CABP1: variants seen among roughly 807,000 people sequenced by gnomAD.
CABP1 encodes the protein calcium binding protein 1, also known as calcium-binding protein 1.
In CABP1, 17 loss-of-function variants were observed where a neutral mutation model predicts 34.3. The observed-to-expected ratio is 0.50, with a 90% CI of 0.34 to 0.74. The LOEUF (loss-of-function observed/expected upper bound fraction) is 0.74, where lower values mean the gene tolerates loss of function less well. Among genes scored for constraint, CABP1 ranks in the 30% least tolerant of loss-of-function variants. The pLI, the probability that CABP1 is intolerant of heterozygous loss-of-function variation, is 0.01. For missense variants in CABP1, 373 were observed against 511.1 expected, an observed-to-expected ratio of 0.73 and a Z score of 2.61; for synonymous variants, 198 against 229.2, an observed-to-expected ratio of 0.86 and a Z score of 1.23.
chr12:120,664,356 A>G (rs1880835989), intron 5 of CABP1, among the ~76,000 whole-genome samples: 1 of 152,186 alleles, frequency 6.6e-6, no homozygotes, highest in African/African-American at 2.4e-5. Flanking sequence ...GTTATAAATA[A>G]TTAGAGCCCC....
intron 5 of CABP1, among the ~76,000 whole-genome samples, chr12:120,666,334 C>T (rs140845494): frequency 0.041 from 6,190 of 150,582 alleles, 180 homozygotes; most frequent in South Asian, 0.11. Context: ...ATTAGCCAAG[C>T]GTGGTAGTGC....
At chr12:120,680,749 T>G in the CABP1 span, among the ~76,000 whole-genome samples, 1 of 152,204 alleles carries the variant, frequency 6.6e-6, no homozygotes, top group South Asian at 2.1e-4. Context: ...CTTTTGGATA[T>G]AATCCTGCCC....
At chr12:120,677,413 T>TTTCC in the CABP1 span, among the ~76,000 whole-genome samples, 10 of 110,586 alleles carry the variant, frequency 9.0e-5, no homozygotes, top group South Asian at 3.3e-4. Flanking sequence ...TTTTTTTTTT[T>TTTCC]TGAGACAGAG....
chr12:120,668,220 C>T (rs1278511049), downstream of CABP1, among the ~76,000 whole-genome samples: 4 of 152,158 alleles, frequency 2.6e-5, no homozygotes, highest in South Asian at 2.1e-4. Flanking sequence ...CCACTGGCTG[C>T]GCGCCGTGGC....
rs1382298778 is a variant in CABP1, at chr12:120,647,387, T to C, written c.654+6048T>C. ...ATGGTTACTGAGCAGCAGACAAGATTTTTTTTTTTTTTTTAAATAGAGATG... is the reference window on the plus strand; with the variant it reads ...ATGGTTACTGAGCAGCAGACAAGATCTTTTTTTTTTTTTTAAATAGAGATG... On this transcript the variant is annotated intron_variant, in intron 1 of 5. Coordinates refer to ENST00000316803, the MANE Select transcript of CABP1 (RefSeq NM_001033677.2). 0.016 allele frequency among the ~76,000 whole-genome samples: 125 copies of C among 7,668 alleles called. No individual in the cohort carries two copies. In the East Asian group the frequency reaches 0.36, roughly 22 times the overall value. The allele number at this position is 7,668 out of a possible 152,430, so 5.0% of individuals were successfully genotyped here. A position where few individuals can be genotyped will look rare whatever the true frequency, so the allele number is the denominator to read the frequency against.
chr12:120,656,138 G>A (rs779589300), intron 1 of CABP1: 11 of 1,614,048 alleles, frequency 6.8e-6, no homozygotes, highest in Admixed American at 6.7e-5. Flanking sequence ...GCAGACGAGC[G>A]AGGAGGGGCT....
intron 1 of CABP1, chr12:120,659,293 GTCC>G (rs1880466676): frequency 6.5e-6 from 1 of 152,994 alleles, no homozygotes; most frequent in East Asian, 1.9e-4. Context: ...ACTCCTCCCT[GTCC>G]TCCTACCCTC....
At chr12:120,658,839 C>A (rs533387337) in intron 1 of CABP1, 1 of 152,512 alleles carries the variant, frequency 6.6e-6, no homozygotes, top group South Asian at 2.1e-4. Flanking sequence ...CTGGTGTCCT[C>A]CCTGCCCAAA....
At chr12:120,650,742 C>G in intron 1 of CABP1, 1 of 1,556,014 alleles carries the variant, frequency 6.4e-7, no homozygotes, top group East Asian at 2.2e-5. Context: ...CACCATCTGT[C>G]TCAGAGGTTG....
chr12:120,670,105 C>T (rs776666509), downstream of CABP1, among the ~76,000 whole-genome samples: 12 of 152,114 alleles, frequency 7.9e-5, no homozygotes, highest in African/African-American at 1.7e-4. Flanking sequence ...TGGGCTCAAG[C>T]GATCCTCCTG....
chr12:120,660,020 T>A lies in CABP1; in HGVS notation c.685+112T>A. ...AAATGGGGCCTGGTGCAACGCGGGG[T>A]ATCTTCTGTGAAACCAGCTGCTGAA... On this transcript the variant is annotated intron_variant, in intron 2 of 5. Coordinates refer to ENST00000316803, the MANE Select transcript of CABP1 (RefSeq NM_001033677.2). The surrounding 1 kb of genome is among the most constrained non-coding windows in gnomAD (Gnocchi z 5.0). 1 of 1,293,394 alleles carries A rather than the reference T, an allele frequency of 7.7e-7. No individual in the cohort carries two copies. Among genetic ancestry groups the A allele is most frequent in the Non-Finnish European group, 1.1e-6 (1 of 915,418 alleles). The allele number at this position is 1,293,394 out of a possible 1,614,324, so 80.1% of individuals were successfully genotyped here.
intron 1 of CABP1, chr12:120,655,969 T>G (rs1880172888): frequency 1.2e-5 from 19 of 1,549,744 alleles, no homozygotes; most frequent in Non-Finnish European, 1.7e-5. Flanking sequence ...CAGGGCTCTC[T>G]GAACCCCGCT....
Position 120,667,005 on chromosome 12 carries a change from G to A in CABP1, c.*105G>A. 1 of 1,403,848 alleles carries A rather than the reference G, an allele frequency of 7.1e-7. No homozygotes were observed. The highest frequency in any genetic ancestry group is 9.8e-7 in the Non-Finnish European group (1 of 1,025,596). 87.0% of individuals were successfully genotyped at this position (1,403,848 alleles called of 1,614,324 possible). A position where few individuals can be genotyped will look rare whatever the true frequency, so the allele number is the denominator to read the frequency against. On this transcript the variant is annotated 3_prime_UTR_variant, in exon 6 of 6. Coordinates refer to ENST00000316803, the MANE Select transcript of CABP1 (RefSeq NM_001033677.2). ...GCCGCCGAGAGCCCAGGATGTACTGGCGGATGGGGCCTGCCTGCACCCCGG... is the reference window on the plus strand; with the variant it reads ...GCCGCCGAGAGCCCAGGATGTACTGACGGATGGGGCCTGCCTGCACCCCGG...
chr12:120,660,699 G>A lies in CABP1; in HGVS notation c.830-32G>A, dbSNP rs769211148. 22 of 1,448,966 alleles carry A rather than the reference G, an allele frequency of 1.5e-5. No individual in the cohort carries two copies. The highest frequency in any genetic ancestry group is 2.0e-5 in the Non-Finnish European group (21 of 1,029,532). The allele number at this position is 1,448,966 out of a possible 1,614,324, so 89.8% of individuals were successfully genotyped here. A position where few individuals can be genotyped will look rare whatever the true frequency, so the allele number is the denominator to read the frequency against. On this transcript the variant is annotated intron_variant, in intron 3 of 5. Coordinates refer to ENST00000316803, the MANE Select transcript of CABP1 (RefSeq NM_001033677.2). The surrounding 1 kb of genome is among the most constrained non-coding windows in gnomAD (Gnocchi z 5.0). The stretch of plus-strand genomic sequence containing the variant: ...GTTGGAGACAGGGAATGGGTATGTC[G>A]GGGATGACCTAGCCCTTTCCTCCTT...
chr12:120,656,647 G>A (rs979894120), intron 1 of CABP1, among the ~76,000 whole-genome samples: 5 of 152,158 alleles, frequency 3.3e-5, no homozygotes, highest in African/African-American at 1.2e-4. Flanking sequence ...TGTAATCCCA[G>A]CACTTTGGGA....
intron 1 of CABP1, chr12:120,650,696 G>A (rs1170322853): frequency 6.2e-7 from 1 of 1,613,608 alleles, no homozygotes. Flanking sequence ...TGTTTTTGGA[G>A]TTTCCAAGAT....
In CABP1 at chr12:120,641,449, A is replaced by ACGCCTCGGCT. The variant is rs943060548; in HGVS notation, c.654+112_654+121dup. ...CGCGGCCCGTGGTCCCCCACGGATC[A>ACGCCTCGGCT]CGCCTCGGCTCACCTCGTCCTCCCC... On this transcript the variant is annotated intron_variant, in intron 1 of 5. Coordinates refer to ENST00000316803, the MANE Select transcript of CABP1 (RefSeq NM_001033677.2). This position sits in a 1 kb window ranked among gnomAD's most constrained non-coding sequence, Gnocchi z 6.7. 137 of 1,152,034 alleles carry ACGCCTCGGCT rather than the reference A, an allele frequency of 1.2e-4. No homozygotes were observed. The highest frequency in any genetic ancestry group is 5.2e-5 in the Non-Finnish European group (48 of 915,346). 71.4% of individuals were successfully genotyped at this position (1,152,034 alleles called of 1,614,324 possible). A position where few individuals can be genotyped will look rare whatever the true frequency, so the allele number is the denominator to read the frequency against.
At chr12:120,642,271 T>G (rs1879367183) in intron 1 of CABP1, among the ~76,000 whole-genome samples, 1 of 151,920 alleles carries the variant, frequency 6.6e-6, no homozygotes, top group Non-Finnish European at 1.5e-5. Flanking sequence ...GAGGTCTGAT[T>G]AGAGCGTTTG....
intron 5 of CABP1, among the ~76,000 whole-genome samples, chr12:120,664,100 G>T (rs1462088380): frequency 6.6e-6 from 1 of 152,196 alleles, no homozygotes; most frequent in East Asian, 1.9e-4. Flanking sequence ...TATCCAGGTA[G>T]CGCCCACCAC....
Sources: gnomAD v4.1 joint callset for allele counts (sites outside exome capture counted in the v4.1 genomes callset) on GRCh38, gnomAD v4.1.1 for gene constraint, Gnocchi (gnomAD v3.1) non-coding constraint, MANE v1.5 for transcripts, NCBI Gene and HGNC (gene_info 2026-07-23, HGNC 2026-07-21) for gene names.